DNM3: variants seen among roughly 807,000 people sequenced by gnomAD.
DNM3 encodes dynamin-3.
A neutral mutation model predicts 101.6 loss-of-function variants in DNM3; 47 were observed. The ratio of observed to expected loss-of-function variants is 0.46; its 90% confidence interval spans 0.37 to 0.59. The LOEUF (loss-of-function observed/expected upper bound fraction) is 0.59, where lower values mean the gene tolerates loss of function less well. DNM3 is among the 20% of genes least tolerant of loss of function. DNM3 has a pLI of 0.00. For missense variants in DNM3, 849 were observed against 1,085.7 expected, an observed-to-expected ratio of 0.78 and a Z score of 3.06; for synonymous variants, 385 against 387.9, an observed-to-expected ratio of 0.99 and a Z score of 0.09.
intron 15 of DNM3, among the ~76,000 whole-genome samples, chr1:172,270,651 G>A (rs1357513151): frequency 2.0e-5 from 3 of 152,122 alleles, no homozygotes; most frequent in Non-Finnish European, 4.4e-5. Context: ...AAAGGGAACC[G>A]ACATGGTACA....
At chr1:171,874,402 T>C (rs766355324) in intron 1 of DNM3, among the ~76,000 whole-genome samples, 3 of 152,192 alleles carry the variant, frequency 2.0e-5, no homozygotes, top group Non-Finnish European at 4.4e-5. Context: ...AATTGTGGCA[T>C]TGGTACAAGT....
intron 15 of DNM3, among the ~76,000 whole-genome samples, chr1:172,293,151 G>T (rs2063999749): frequency 6.6e-6 from 1 of 152,178 alleles, no homozygotes. Context: ...CAATAATTGT[G>T]CAAAGGAATT....
intron 16 of DNM3, chr1:172,310,106 T>G (rs2065017997): frequency 6.6e-6 from 1 of 152,250 alleles, no homozygotes; most frequent in African/African-American, 2.4e-5. Context: ...TCCTGTTATA[T>G]GCGTAGATAT....
At chr1:172,415,524 G>GGTTT (rs1231581260), downstream of DNM3, 1 of 99,130 alleles carries the variant, frequency 1.0e-5, no homozygotes, top group African/African-American at 4.1e-5. Context: ...TTTTTTGTGA[G>GGTTT]TTTTTTTTTT....
intron 2 of DNM3, among the ~76,000 whole-genome samples, chr1:171,959,402 G>C (rs1035967410): frequency 5.9e-5 from 9 of 152,138 alleles, no homozygotes; most frequent in Non-Finnish European, 1.0e-4. Flanking sequence ...GATCAGTGAT[G>C]ATATCAAATA....
intron 14 of DNM3, among the ~76,000 whole-genome samples, chr1:172,232,066 A>C (rs191559270): frequency 7.4e-4 from 113 of 152,310 alleles, no homozygotes; most frequent in African/African-American, 2.6e-3. Context: ...AAATGGGCTA[A>C]ATGCTCCAAT....
chr1:172,274,153 G>A (rs1199732359), intron 15 of DNM3, among the ~76,000 whole-genome samples: 1 of 151,996 alleles, frequency 6.6e-6, no homozygotes, highest in East Asian at 1.9e-4. Context: ...AGCATCGAAA[G>A]CCATGTCACT....
intron 6 of DNM3, among the ~76,000 whole-genome samples, chr1:172,035,605 G>A (rs1011492559): frequency 7.2e-5 from 11 of 152,144 alleles, no homozygotes; most frequent in African/African-American, 2.7e-4. Flanking sequence ...CCGCAGTATT[G>A]CTTTGCTCTG....
rs199679792 is a variant in DNM3 at position 172,371,828 on chromosome 1, ATATTTT to A, written c.1894-7166_1894-7161del. 5.1e-3 allele frequency among the ~76,000 whole-genome samples: 762 copies of A among 150,592 alleles called. 4 individuals carry two copies. Among genetic ancestry groups the A allele is most frequent in the African/African-American group, 0.017 (713 of 41,176 alleles). On this transcript the variant is annotated intron_variant, in intron 17 of 20. Coordinates refer to ENST00000627582, the MANE Select transcript of DNM3 (RefSeq NM_015569.5). ...AGGGTATTCTGTCTAAGTCAGGCAG[ATATTTT>A]TATTTTTATTTTTATTTTTATTTAT...
chr1:172,158,313 T>C (rs1294592530), intron 14 of DNM3, among the ~76,000 whole-genome samples: 1 of 151,880 alleles, frequency 6.6e-6, no homozygotes, highest in Non-Finnish European at 1.5e-5. Context: ...GGTACAATGA[T>C]GGGCATGGAG....
chr1:172,115,190 T>G (rs2055803211), intron 13 of DNM3, among the ~76,000 whole-genome samples: 1 of 152,206 alleles, frequency 6.6e-6, no homozygotes, highest in South Asian at 2.1e-4. Context: ...TTAGATAATA[T>G]TCCTGTCCTC....
intron 15 of DNM3, among the ~76,000 whole-genome samples, chr1:172,286,063 G>A (rs1454201056): frequency 9.6e-6 from 1 of 103,692 alleles, no homozygotes; most frequent in African/African-American, 4.2e-5. Context: ...TTTAAAGTGA[G>A]TTATTTATAT....
rs920267119 is a variant in DNM3, at chr1:172,098,334, A to G, written c.1545+5459A>G. The stretch of plus-strand genomic sequence containing the variant: ...AAAAGAACTCAGCCATATTTCTCCC[A>G]TTTGCTTTTGAAAGAAGAGAAATAT... On this transcript the variant is annotated intron_variant, in intron 13 of 20. Coordinates refer to ENST00000627582, the MANE Select transcript of DNM3 (RefSeq NM_015569.5). Among the ~76,000 whole-genome samples, 6 of 152,216 alleles carry G rather than the reference A, an allele frequency of 3.9e-5. No individual in the cohort carries two copies. In the South Asian group the frequency reaches 1.2e-3, roughly 32 times the overall value.
At chr1:172,123,452 C>T (rs1026505371) in intron 13 of DNM3, among the ~76,000 whole-genome samples, 3 of 152,138 alleles carry the variant, frequency 2.0e-5, no homozygotes, top group Admixed American at 6.6e-5. Flanking sequence ...TGGCACAGTA[C>T]CTGATCCATC....
intron 17 of DNM3, among the ~76,000 whole-genome samples, chr1:172,332,348 C>T (rs1045469790): frequency 1.3e-5 from 2 of 152,162 alleles, no homozygotes; most frequent in African/African-American, 2.4e-5. Context: ...CTCACTCTGT[C>T]ACTGAGGCTG....
chr1:172,058,092 CAAAG>C (rs1457191955), intron 10 of DNM3, among the ~76,000 whole-genome samples: 1 of 132,946 alleles, frequency 7.5e-6, no homozygotes, highest in African/African-American at 3.0e-5. Context: ...TCAAAAGAGA[CAAAG>C]AAGGCCATTA....
intron 10 of DNM3, among the ~76,000 whole-genome samples, chr1:172,052,569 T>C (rs1415875532): frequency 6.6e-6 from 1 of 152,180 alleles, no homozygotes; most frequent in African/African-American, 2.4e-5. Context: ...ATAGAGTTAA[T>C]TATTGCAAAG....
intron 4 of DNM3, among the ~76,000 whole-genome samples, chr1:172,027,479 G>C (rs1279400862): frequency 1.3e-5 from 2 of 152,040 alleles, no homozygotes; most frequent in African/African-American, 2.4e-5. Flanking sequence ...TACTCAGGAG[G>C]CTCAGGCAGG....
intron 2 of DNM3, among the ~76,000 whole-genome samples, chr1:171,922,618 A>G (rs1276970711): frequency 1.3e-5 from 2 of 152,206 alleles, no homozygotes; most frequent in Non-Finnish European, 2.9e-5. Flanking sequence ...GATATGTGCA[A>G]CCATCTCCAC....
Sources: allele counts gnomAD v4.1 joint callset (sites outside exome capture counted in the v4.1 genomes callset), GRCh38; gene constraint gnomAD v4.1.1; transcripts MANE v1.5; gene names NCBI Gene and HGNC (gene_info 2026-07-23, HGNC 2026-07-21).